Variants in ZNF827 observed in about 807,000 individuals in gnomAD.
The protein encoded by ZNF827 is zinc finger protein 827.
A neutral mutation model predicts 102.4 loss-of-function variants in ZNF827; 13 were observed. The observed-to-expected ratio is 0.13, with a 90% CI of 0.08 to 0.20. The LOEUF (loss-of-function observed/expected upper bound fraction) is 0.20. Ranked by LOEUF, ZNF827 falls within the 10% of genes least tolerant of loss-of-function variation. The pLI, the probability that ZNF827 is intolerant of heterozygous loss-of-function variation, is 1.00. For synonymous variants in ZNF827, 523 were observed against 536.2 expected (o/e 0.98, Z 0.34); for missense variants, 1,103 against 1,344.4 (o/e 0.82, Z 2.81).
At chr4:145,779,344 G>C (rs772263671) in intron 9 of ZNF827, 30 bp downstream of exon 9, 1 of 1,609,258 alleles carries the variant, frequency 6.2e-7, no homozygotes, top group Admixed American at 1.7e-5. Context: ...GGAGCATAGA[G>C]GGCTGACAGC....
At chr4:145,853,454 C>T (rs1382357420) in intron 5 of ZNF827, among the ~76,000 whole-genome samples, 1 of 152,048 alleles carries the variant, frequency 6.6e-6, no homozygotes, top group African/African-American at 2.4e-5. Flanking sequence ...TGGTGGTGTG[C>T]CTATAGTCTC....
At chr4:145,802,966 A>G (rs528453869) in intron 8 of ZNF827, among the ~76,000 whole-genome samples, 3 of 152,194 alleles carry the variant, frequency 2.0e-5, no homozygotes, top group Non-Finnish European at 2.9e-5. Context: ...GAAATAAAAT[A>G]GGATAGATTA....
intron 5 of ZNF827, among the ~76,000 whole-genome samples, chr4:145,863,063 C>T (rs1370433318): frequency 1.3e-5 from 2 of 152,014 alleles, no homozygotes; most frequent in Non-Finnish European, 2.9e-5. Flanking sequence ...AAACAAATAA[C>T]CCAATTTAAA....
intron 1 of ZNF827, among the ~76,000 whole-genome samples, chr4:145,935,032 G>GC (rs1404679709): frequency 6.6e-6 from 1 of 151,974 alleles, no homozygotes; most frequent in East Asian, 1.9e-4. Context: ...AAACAGTTTT[G>GC]CCCCTCTCAT....
intron 11 of ZNF827, among the ~76,000 whole-genome samples, chr4:145,772,350 A>T (rs1182140363): frequency 6.6e-6 from 1 of 152,222 alleles, no homozygotes; most frequent in Non-Finnish European, 1.5e-5. Context: ...TTATACCCTA[A>T]CTTTGCAATA....
At chr4:145,850,225 G>C (rs899958808) in intron 5 of ZNF827, among the ~76,000 whole-genome samples, 3 of 152,078 alleles carry the variant, frequency 2.0e-5, no homozygotes, top group Non-Finnish European at 2.9e-5. Flanking sequence ...GACCAGGCTG[G>C]TCTTCAACTC....
intron 1 of ZNF827, among the ~76,000 whole-genome samples, chr4:145,910,633 C>T (rs960766560): frequency 3.3e-5 from 5 of 152,184 alleles, no homozygotes; most frequent in East Asian, 1.9e-4. Context: ...ACTTCCCAAC[C>T]TTGCTCCATT....
At chr4:145,887,019 A>C (rs544560007) in intron 3 of ZNF827, among the ~76,000 whole-genome samples, 5 of 152,354 alleles carry the variant, frequency 3.3e-5, no homozygotes, top group Non-Finnish European at 7.3e-5. Context: ...AGGTGCTCAT[A>C]AGCTTGTAAC....
At chr4:145,870,171 C>G in intron 5 of ZNF827, 74 bp downstream of exon 5, 1 of 1,424,742 alleles carries the variant, frequency 7.0e-7, no homozygotes, top group Non-Finnish European at 9.7e-7. Context: ...TAATTATAAC[C>G]CATGCAGGAA....
At chr4:145,901,556 GT>G (rs1751416514) in intron 2 of ZNF827, among the ~76,000 whole-genome samples, 1 of 152,210 alleles carries the variant, frequency 6.6e-6, no homozygotes, top group South Asian at 2.1e-4. Flanking sequence ...CAGGAAATGT[GT>G]TGATTATGTT....
chr4:145,886,672 C>T (rs1234481846), intron 3 of ZNF827, among the ~76,000 whole-genome samples: 4 of 151,736 alleles, frequency 2.6e-5, no homozygotes, highest in African/African-American at 4.8e-5. Context: ...AGGGTATTCC[C>T]GTTTCAAAGA....
Position 145,763,192 on chromosome 4 carries a change from C to A in ZNF827, c.3231-70G>T. 6.8e-7 allele frequency: 1 copy of A among 1,471,638 alleles called. No individual in the cohort carries two copies. Among genetic ancestry groups the A allele is most frequent in the Non-Finnish European group, 9.1e-7 (1 of 1,096,258 alleles). The allele number at this position is 1,471,638 out of a possible 1,614,324, so 91.2% of individuals were successfully genotyped here. On this transcript the variant is annotated intron_variant, in intron 13 of 14. Coordinates refer to ENST00000508784, the MANE Select transcript of ZNF827 (RefSeq NM_001306215.2). This position sits in a 1 kb window ranked among gnomAD's most constrained non-coding sequence, Gnocchi z 4.6. Reference sequence around the variant, plus strand: ...TTATGAACAGGATATAGAGTACAAGCAGTTCCATCACAGAAAAGCAATTTA... The same window carrying A: ...TTATGAACAGGATATAGAGTACAAGAAGTTCCATCACAGAAAAGCAATTTA...
intron 8 of ZNF827, among the ~76,000 whole-genome samples, chr4:145,780,021 T>C (rs1394842918): frequency 2.0e-5 from 3 of 152,166 alleles, no homozygotes; most frequent in Non-Finnish European, 2.9e-5. Context: ...TGAAACCTTG[T>C]ATCTACTAAA....
intron 8 of ZNF827, among the ~76,000 whole-genome samples, chr4:145,814,645 C>G (rs1742386282): frequency 1.5e-5 from 2 of 130,090 alleles, no homozygotes; most frequent in South Asian, 4.9e-4. Context: ...AAAACTAGGC[C>G]TGGCACAGTG....
chr4:145,885,610 CAGAGAGAGAGAG>C (rs200461563), intron 4 of ZNF827, 56 bp downstream of exon 4: 46,198 of 1,170,010 alleles, frequency 0.039, 490 homozygotes, highest in Admixed American at 0.14. Context: ...TAGACAGAGA[CAGAGAGAGAGAG>C]AGAGAGAGAG....
chr4:145,846,713 A>T (rs1271251940), intron 6 of ZNF827, among the ~76,000 whole-genome samples: 1 of 136,222 alleles, frequency 7.3e-6, no homozygotes, highest in Non-Finnish European at 1.5e-5. Flanking sequence ...GCTACTTGGG[A>T]GGCTGAGGCA....
At chr4:145,793,523 C>G (rs987035355) in intron 8 of ZNF827, among the ~76,000 whole-genome samples, 1 of 151,190 alleles carries the variant, frequency 6.6e-6, no homozygotes, top group Non-Finnish European at 1.5e-5. Flanking sequence ...CTAGGCTGGT[C>G]TTACCTTTTC....
chr4:145,909,974 C>A (rs944859780), intron 1 of ZNF827, among the ~76,000 whole-genome samples: 1 of 152,032 alleles, frequency 6.6e-6, no homozygotes, highest in African/African-American at 2.4e-5. Context: ...CCAGGACACC[C>A]AACCGCTGTC....
At chr4:145,834,826 G>C (rs1744639090) in intron 7 of ZNF827, 1 of 151,526 alleles carries the variant, frequency 6.6e-6, no homozygotes, top group Non-Finnish European at 1.5e-5. Context: ...ATTAAATTCC[G>C]GCCCTGAAAC....
Sources: gnomAD v4.1 joint callset for allele counts (sites outside exome capture counted in the v4.1 genomes callset) on GRCh38, gnomAD v4.1.1 for gene constraint, Gnocchi (gnomAD v3.1) non-coding constraint, MANE v1.5 for transcripts, NCBI Gene and HGNC (gene_info 2026-07-23, HGNC 2026-07-21) for gene names.